GRIP1: variants seen among roughly 807,000 people sequenced by gnomAD.
GRIP1 encodes glutamate receptor interacting protein 1.
GRIP1 carries 45 observed loss-of-function variants against 129.9 expected under a neutral mutation model. That is an observed-to-expected ratio of 0.35 (90% CI 0.27 to 0.44). GRIP1 has a LOEUF of 0.44. GRIP1 is among the 20% of genes least tolerant of loss of function. The pLI is 1.00. For synonymous variants in GRIP1, 530 were observed against 520.8 expected (o/e 1.02, Z -0.24); for missense variants, 1,196 against 1,396.8 (o/e 0.86, Z 2.29).
At chr12:66,518,523 A>G (rs924428570) in intron 5 of GRIP1, among the ~76,000 whole-genome samples, 1 of 152,336 alleles carries the variant, frequency 6.6e-6, no homozygotes, top group East Asian at 1.9e-4. Flanking sequence ...CAATCCTTGA[A>G]TGGGAATTTT....
intron 1 of GRIP1, among the ~76,000 whole-genome samples, chr12:66,980,100 G>A (rs2042222004): frequency 6.6e-6 from 1 of 152,164 alleles, no homozygotes; most frequent in Non-Finnish European, 1.5e-5. Context: ...CAGAACAGAA[G>A]ACTCACAATC....
chr12:66,445,024 C>T (rs1373880481), intron 12 of GRIP1, among the ~76,000 whole-genome samples: 2 of 152,150 alleles, frequency 1.3e-5, no homozygotes, highest in African/African-American at 4.8e-5. Flanking sequence ...TGTATATTCC[C>T]CCATGGCAGA....
intron 16 of GRIP1, among the ~76,000 whole-genome samples, chr12:66,395,885 A>G (rs116432199): frequency 0.021 from 3,143 of 152,334 alleles, 117 homozygotes; most frequent in African/African-American, 0.073. Context: ...GCTGGTGATG[A>G]TCTGCTAAGG....
chr12:66,493,750 T>C (rs1192217312), intron 7 of GRIP1, among the ~76,000 whole-genome samples: 2 of 152,184 alleles, frequency 1.3e-5, no homozygotes. Context: ...GATTGTTTCA[T>C]TTTCAAACTT....
At chr12:66,668,641 G>A (rs1313554998) in intron 1 of GRIP1, among the ~76,000 whole-genome samples, 2 of 152,170 alleles carry the variant, frequency 1.3e-5, no homozygotes, top group Non-Finnish European at 2.9e-5. Flanking sequence ...AGAAAAGGCC[G>A]AGTGCAGGAA....
chr12:66,970,366 G>A (rs571957572), intron 1 of GRIP1, among the ~76,000 whole-genome samples: 1 of 152,150 alleles, frequency 6.6e-6, no homozygotes, highest in East Asian at 1.9e-4. Flanking sequence ...ATAGGCATGA[G>A]CCATGTGCCC....
At chr12:66,683,863 A>G (rs901487936), upstream of GRIP1, among the ~76,000 whole-genome samples, 5 of 152,220 alleles carry the variant, frequency 3.3e-5, no homozygotes, top group Non-Finnish European at 5.9e-5. Flanking sequence ...GGAAAAATCT[A>G]CCAGAAATCA....
chr12:66,687,752 A>G (rs569873383), intron 1 of GRIP1, among the ~76,000 whole-genome samples: 25 of 151,746 alleles, frequency 1.6e-4, no homozygotes, highest in African/African-American at 6.0e-4. Context: ...TTGCGGACCC[A>G]CTCTCGGTCC....
rs926847780 is a variant in GRIP1 at position 67,067,780 on chromosome 12, T to A, written c.58+1270A>T. ...AACATGCCCAATAACCAAGCCACCG[T>A]CCATACCAGCTCACCAAACTGCTGC... On this transcript the variant is annotated intron_variant, in intron 1 of 1. Transcript: ENST00000643019. Among the ~76,000 whole-genome samples, 9 of 152,232 alleles carry A rather than the reference T, an allele frequency of 5.9e-5. 2 individuals carry two copies. Among genetic ancestry groups the A allele is most frequent in the Admixed American group, 5.9e-4 (9 of 15,290 alleles).
intron 1 of GRIP1, among the ~76,000 whole-genome samples, chr12:66,814,244 G>A (rs767290411): frequency 9.9e-5 from 15 of 152,016 alleles, no homozygotes; most frequent in Non-Finnish European, 2.1e-4. Context: ...CTACAAATGA[G>A]GATAAACAAT....
intron 7 of GRIP1, among the ~76,000 whole-genome samples, chr12:66,500,939 A>C (rs1350883648): frequency 1.3e-5 from 2 of 152,238 alleles, no homozygotes; most frequent in African/African-American, 2.4e-5. Context: ...GCAGTAGAGA[A>C]ACTCTTCTTT....
chr12:66,942,634 T>C (rs2041605460), intron 1 of GRIP1, among the ~76,000 whole-genome samples: 1 of 152,118 alleles, frequency 6.6e-6, no homozygotes, highest in African/African-American at 2.4e-5. Context: ...GAATAAGCAG[T>C]GTGTGCTATG....
intron 7 of GRIP1, among the ~76,000 whole-genome samples, chr12:66,501,567 A>G (rs2060393829): frequency 6.6e-6 from 1 of 152,198 alleles, no homozygotes; most frequent in Non-Finnish European, 1.5e-5. Context: ...CCTTGTGATC[A>G]ATAGAAGTGC....
rs562373444 is a variant in GRIP1 at position 66,728,465 on chromosome 12, G to A, written c.-420+75588C>T. Among the ~76,000 whole-genome samples, 8 of 152,202 alleles carry A rather than the reference G, an allele frequency of 5.3e-5. No individual in the cohort carries two copies. In the East Asian group the frequency reaches 7.7e-4, roughly 15 times the overall value. On this transcript the variant is annotated intron_variant, in intron 1 of 4. Transcript: ENST00000538373. The stretch of plus-strand genomic sequence containing the variant: ...CTCCTGACATCCAGCCATCACACCC[G>A]TATTCAGGGGGCAGAATAGAGGAAA...
intron 4 of GRIP1, among the ~76,000 whole-genome samples, chr12:66,531,948 A>C (rs1199121215): frequency 1.3e-5 from 2 of 152,216 alleles, no homozygotes; most frequent in Non-Finnish European, 2.9e-5. Flanking sequence ...CATATAATTG[A>C]ATTCTAATTC....
At chr12:66,579,155 G>C (rs2063269965) in intron 2 of GRIP1, among the ~76,000 whole-genome samples, 1 of 152,202 alleles carries the variant, frequency 6.6e-6, no homozygotes, top group South Asian at 2.1e-4. Flanking sequence ...AACAGGGTCT[G>C]GAGTGGACCT....
rs1592873778 is a variant in GRIP1 at position 66,441,116 on chromosome 12, A to G, written c.1687+3468T>C. Among the ~76,000 whole-genome samples the G allele has an allele frequency of 3.9e-5, 6 of 152,326 alleles. No individual in the cohort carries two copies. The South Asian group carries it at 1.2e-3, about 32-fold the overall frequency. On this transcript the variant is annotated intron_variant, in intron 13 of 24. Coordinates refer to ENST00000359742, the MANE Select transcript of GRIP1 (RefSeq NM_001366722.1). The stretch of plus-strand genomic sequence containing the variant: ...AATCTGACTTCCGCCCCTACTTTTC[A>G]GATCAATTCATACTATGGCAATGTC...
At chr12:66,789,457 A>G (rs1005226695) in intron 1 of GRIP1, among the ~76,000 whole-genome samples, 1 of 152,216 alleles carries the variant, frequency 6.6e-6, no homozygotes, top group Non-Finnish European at 1.5e-5. Context: ...TCAACTTATA[A>G]GATGGCTAGA....
chr12:66,772,830 T>C (rs1050118922), intron 1 of GRIP1, among the ~76,000 whole-genome samples: 1 of 151,678 alleles, frequency 6.6e-6, no homozygotes, highest in African/African-American at 2.4e-5. Flanking sequence ...GCTTTTCTCA[T>C]TTAGACTGAT....
Sources: allele counts gnomAD v4.1 joint callset (sites outside exome capture counted in the v4.1 genomes callset), GRCh38; gene constraint gnomAD v4.1.1; transcripts MANE v1.5; gene names NCBI Gene and HGNC (gene_info 2026-07-23, HGNC 2026-07-21).